SNTG1: variants seen among roughly 807,000 people sequenced by gnomAD.
The protein encoded by SNTG1 is gamma-1-syntrophin.
Under a neutral mutation model 74.7 loss-of-function variants are expected in SNTG1, and 39 were observed. The ratio of observed to expected loss-of-function variants is 0.52; its 90% CI spans 0.40 to 0.68. The LOEUF (loss-of-function observed/expected upper bound fraction) is 0.68. SNTG1 is among the 30% of genes least tolerant of loss of function. The pLI, the probability that SNTG1 is intolerant of heterozygous loss-of-function variation, is 0.00. For synonymous variants in SNTG1, 254 were observed against 217.1 expected (o/e 1.17, Z -1.49); for missense variants, 685 against 609.5 (o/e 1.12, Z -1.30).
intron 1 of SNTG1, among the ~76,000 whole-genome samples, chr8:50,020,840 T>C (rs560074035): frequency 2.0e-5 from 3 of 152,308 alleles, no homozygotes; most frequent in Non-Finnish European, 2.9e-5. Context: ...TATTTACTTA[T>C]GTAGTTGATA....
chr8:50,783,025 A>C (rs934782669), intron 18 of SNTG1, among the ~76,000 whole-genome samples: 3 of 152,262 alleles, frequency 2.0e-5, no homozygotes, highest in Non-Finnish European at 4.4e-5. Flanking sequence ...GCCGATTTTC[A>C]TGAACCGCAA....
intron 15 of SNTG1, among the ~76,000 whole-genome samples, chr8:50,675,601 C>T (rs1221351353): frequency 6.6e-6 from 1 of 151,958 alleles, no homozygotes; most frequent in Non-Finnish European, 1.5e-5. Context: ...TGGGTCTTGA[C>T]TCTTTATCCA....
intron 2 of SNTG1, among the ~76,000 whole-genome samples, chr8:50,322,302 T>C (rs1330129182): frequency 6.6e-6 from 1 of 152,140 alleles, no homozygotes; most frequent in Non-Finnish European, 1.5e-5. Context: ...TTTCTTTGTT[T>C]GTTTTGGTTT....
Position 50,138,455 on chromosome 8 carries a change from T to A in SNTG1, c.-102-34106T>A, listed in dbSNP as rs572242514. ...CAATATGGTGAAACTCCATCTCTACTAATAAAAAAAAAATAAAAAATTAGC... is the reference window on the plus strand; with the variant it reads ...CAATATGGTGAAACTCCATCTCTACAAATAAAAAAAAAATAAAAAATTAGC... On this transcript the variant is annotated intron_variant, in intron 1 of 18. Transcript: ENST00000642720. Among the ~76,000 whole-genome samples the A allele has an allele frequency of 3.7e-4, 56 of 150,948 alleles. 1 individual carries two copies. Among genetic ancestry groups the A allele is most frequent in the Admixed American group, 1.5e-3 (23 of 15,146 alleles).
Position 50,153,171 on chromosome 8 carries a change from A to T in SNTG1, c.-102-19390A>T, listed in dbSNP as rs534276146. Among the ~76,000 whole-genome samples the T allele has an allele frequency of 3.3e-5, 5 of 152,268 alleles. No individual in the cohort carries two copies. The East Asian group carries it at 7.7e-4, about 24-fold the overall frequency. ...TTATTCATTCGATCTTCAATCACTGATACCCTTTCTTCCACTTGATCGAAT... is the reference window on the plus strand; with the variant it reads ...TTATTCATTCGATCTTCAATCACTGTTACCCTTTCTTCCACTTGATCGAAT... On this transcript the variant is annotated intron_variant, in intron 1 of 18. Transcript: ENST00000642720.
intron 12 of SNTG1, among the ~76,000 whole-genome samples, chr8:50,587,770 C>T (rs2094661190): frequency 6.9e-6 from 1 of 145,736 alleles, no homozygotes; most frequent in Non-Finnish European, 1.5e-5. Flanking sequence ...GATTGCCAGC[C>T]TGGGGGACGA....
At chr8:50,681,893 A>G (rs73676392) in intron 15 of SNTG1, among the ~76,000 whole-genome samples, 4,190 of 152,162 alleles carry the variant, frequency 0.028, 168 homozygotes, top group African/African-American at 0.092. Flanking sequence ...ATGTCCTCTG[A>G]CTCTGCAGAC....
At chr8:50,335,817 A>ATTATTTTATTTTATTTTATT (rs71233486) in intron 2 of SNTG1, among the ~76,000 whole-genome samples, 1,747 of 141,446 alleles carry the variant, frequency 0.012, 14 homozygotes, top group Non-Finnish European at 0.017. Flanking sequence ...TTTATGTTTT[A>ATTATTTTATTTTATTTTATT]TTATTTTATT....
intron 4 of SNTG1, among the ~76,000 whole-genome samples, chr8:50,412,015 C>A (rs1412012149): frequency 1.3e-5 from 2 of 152,092 alleles, no homozygotes; most frequent in Non-Finnish European, 2.9e-5. Context: ...TATTTGAAGG[C>A]TCCTCCAAAC....
In SNTG1 at chr8:50,768,971, T is replaced by C. The variant is rs559743731; in HGVS notation, c.1395+16860T>C. ...AGGAATGTGTGGTGAAGAAGATATC[T>C]GGACAAGATAGTGCCTCTCTCTCCC... On this transcript the variant is annotated intron_variant, in intron 18 of 18. Coordinates refer to ENST00000642720, the MANE Select transcript of SNTG1 (RefSeq NM_018967.5). 1.2e-3 allele frequency among the ~76,000 whole-genome samples: 184 copies of C among 152,182 alleles called. 1 individual carries two copies. The highest frequency in any genetic ancestry group is 3.8e-3 in the African/African-American group (157 of 41,570).
chr8:50,040,918 C>T (rs1272847432), intron 1 of SNTG1, among the ~76,000 whole-genome samples: 3 of 151,938 alleles, frequency 2.0e-5, no homozygotes, highest in Non-Finnish European at 4.4e-5. Flanking sequence ...TTTTTTGAGA[C>T]GGAGTTTTGC....
intron 3 of SNTG1, among the ~76,000 whole-genome samples, chr8:50,398,780 A>C (rs2092762514): frequency 6.6e-6 from 1 of 152,082 alleles, no homozygotes; most frequent in South Asian, 2.1e-4. Context: ...AAATACAAAA[A>C]ATTAGCTGGG....
At chr8:50,477,155 G>A (rs1457097084) in intron 8 of SNTG1, among the ~76,000 whole-genome samples, 2 of 151,946 alleles carry the variant, frequency 1.3e-5, no homozygotes, top group African/African-American at 2.4e-5. Context: ...TGGAGGTGAA[G>A]TATGACTTGC....
intron 13 of SNTG1, among the ~76,000 whole-genome samples, chr8:50,637,863 T>G (rs2095049098): frequency 6.6e-6 from 1 of 152,120 alleles, no homozygotes; most frequent in African/African-American, 2.4e-5. Context: ...TAATTAAACA[T>G]CAAATAGTGT....
Position 49,994,574 on chromosome 8 carries a change from A to T in SNTG1, c.-103+82343A>T, listed in dbSNP as rs1374891931. Among the ~76,000 whole-genome samples the T allele has an allele frequency of 2.6e-5, 4 of 152,094 alleles. No homozygotes were observed. In the East Asian group the frequency reaches 7.7e-4, roughly 29 times the overall value. Reference sequence around the variant, plus strand: ...GCCACCGTGCCTGGCCAAGATCATTATTCTTATAATGGAACTTTATAAAGA... The same window carrying T: ...GCCACCGTGCCTGGCCAAGATCATTTTTCTTATAATGGAACTTTATAAAGA... On this transcript the variant is annotated intron_variant, in intron 1 of 18. Coordinates refer to ENST00000642720, the MANE Select transcript of SNTG1 (RefSeq NM_018967.5).
chr8:50,028,101 A>T (rs1476876847), intron 1 of SNTG1, among the ~76,000 whole-genome samples: 2 of 152,096 alleles, frequency 1.3e-5, no homozygotes, highest in East Asian at 3.9e-4. Flanking sequence ...ATTACTAACA[A>T]AGAGTGTATA....
At chr8:49,956,507 T>C (rs192220682) in intron 1 of SNTG1, among the ~76,000 whole-genome samples, 457 of 152,354 alleles carry the variant, frequency 3.0e-3, no homozygotes, top group Non-Finnish European at 4.8e-3. Flanking sequence ...AGCCAGGCAG[T>C]TCATAGCGTA....
At chr8:50,455,598 T>C (rs999400647) in intron 8 of SNTG1, among the ~76,000 whole-genome samples, 12 of 152,344 alleles carry the variant, frequency 7.9e-5, no homozygotes, top group Admixed American at 2.6e-4. Flanking sequence ...TTGCTTGTTA[T>C]GATATATGCC....
chr8:50,103,103 A>T (rs928149932), intron 1 of SNTG1, among the ~76,000 whole-genome samples: 3 of 152,066 alleles, frequency 2.0e-5, no homozygotes, highest in African/African-American at 4.8e-5. Flanking sequence ...GAAGAAAGTC[A>T]TTGGTAGCTT....
Sources: gnomAD v4.1 joint callset for allele counts (sites outside exome capture counted in the v4.1 genomes callset) on GRCh38, gnomAD v4.1.1 for gene constraint, MANE v1.5 for transcripts, NCBI Gene and HGNC (gene_info 2026-07-23, HGNC 2026-07-21) for gene names.